The following ERC2 variants were observed in gnomAD, a reference collection of about 807,000 sequenced individuals.
The protein encoded by ERC2 is ELKS/RAB6-interacting/CAST family member 2.
ERC2 carries 42 observed loss-of-function variants against 114.8 expected under a neutral mutation model. The ratio of observed to expected loss-of-function variants is 0.37; its 90% CI spans 0.29 to 0.47. ERC2 has a LOEUF of 0.47. Among genes scored for constraint, ERC2 ranks in the 20% least tolerant of loss-of-function variants. The probability of loss-of-function intolerance (pLI) is 0.99; values close to 1 mark genes in which losing one functional copy is unlikely to be tolerated. For synonymous variants in ERC2, 454 were observed against 425.5 expected (o/e 1.07, Z -0.82); for missense variants, 939 against 1,150.7 (o/e 0.82, Z 2.66).
intron 2 of ERC2, among the ~76,000 whole-genome samples, chr3:56,388,806 T>C (rs2060026347): frequency 6.6e-6 from 1 of 152,194 alleles, no homozygotes; most frequent in Admixed American, 6.5e-5. Flanking sequence ...CCTCATTCAT[T>C]TTTGAACCCT....
chr3:56,250,858 T>G (rs1404433533), intron 3 of ERC2, among the ~76,000 whole-genome samples: 2 of 152,184 alleles, frequency 1.3e-5, no homozygotes, highest in African/African-American at 2.4e-5. Flanking sequence ...CTAAGGTGCT[T>G]TAACCTTATA....
Position 55,782,332 on chromosome 3 carries a change from T to C in ERC2, c.2565-47414A>G, listed in dbSNP as rs113346438. Among the ~76,000 whole-genome samples, 430 of 152,334 alleles carry C rather than the reference T, an allele frequency of 2.8e-3. 2 individuals carry two copies. Among genetic ancestry groups the C allele is most frequent in the African/African-American group, 9.9e-3 (410 of 41,574 alleles). ...CTGCTTATCCCAAGTCCCCATACCC[T>C]CACCTCTTCCCCCTGCATCCTTTTG... On this transcript the variant is annotated intron_variant, in intron 14 of 17. Coordinates refer to ENST00000288221, the MANE Select transcript of ERC2 (RefSeq NM_015576.3).
chr3:55,700,695 A>T (rs1030697815), intron 15 of ERC2, among the ~76,000 whole-genome samples: 1 of 151,988 alleles, frequency 6.6e-6, no homozygotes, highest in Non-Finnish European at 1.5e-5. Flanking sequence ...GCTAACTCAA[A>T]CTATTTAATC....
chr3:55,645,308 T>C (rs999592307), intron 17 of ERC2, among the ~76,000 whole-genome samples: 8 of 152,212 alleles, frequency 5.3e-5, no homozygotes, highest in Non-Finnish European at 1.2e-4. Context: ...TTTACTTTCA[T>C]CAGTACAGTT....
chr3:56,457,159 T>G (rs2063102981), intron 1 of ERC2, among the ~76,000 whole-genome samples: 2 of 152,226 alleles, frequency 1.3e-5, no homozygotes, highest in Admixed American at 1.3e-4. Context: ...TTCTGCCCAT[T>G]AAGTACAAAG....
chr3:55,661,851 A>C (rs918970015), intron 17 of ERC2, among the ~76,000 whole-genome samples: 1 of 151,474 alleles, frequency 6.6e-6, no homozygotes, highest in African/African-American at 2.4e-5. Flanking sequence ...AAGTGGGCCC[A>C]CCTCCTTTCC....
At chr3:56,116,712 C>T (rs1300389146) in intron 6 of ERC2, among the ~76,000 whole-genome samples, 1 of 152,054 alleles carries the variant, frequency 6.6e-6, no homozygotes, top group African/African-American at 2.4e-5. Context: ...CCATTTTTTT[C>T]CATCAGGATT....
chr3:56,293,933 C>G (rs901332915), intron 3 of ERC2, among the ~76,000 whole-genome samples: 4 of 152,242 alleles, frequency 2.6e-5, no homozygotes, highest in Admixed American at 6.5e-5. Context: ...TGACTCCACC[C>G]TGACCACAAG....
intron 17 of ERC2, among the ~76,000 whole-genome samples, chr3:55,595,374 T>C (rs1262503906): frequency 6.6e-6 from 1 of 152,254 alleles, no homozygotes; most frequent in Non-Finnish European, 1.5e-5. Flanking sequence ...AGGACTATTT[T>C]AGGTTGAAAT....
chr3:55,530,846 A>C (rs115871559), intron 17 of ERC2, among the ~76,000 whole-genome samples: 7 of 152,274 alleles, frequency 4.6e-5, no homozygotes, highest in African/African-American at 1.7e-4. Context: ...CAGCAGTCAG[A>C]GGTGGGGGTG....
intron 14 of ERC2, among the ~76,000 whole-genome samples, chr3:55,776,140 T>G (rs61072124): frequency 0.16 from 23,946 of 151,758 alleles, 2,055 homozygotes; most frequent in East Asian, 0.22. Flanking sequence ...TAGAATGTTA[T>G]TTGTTGTTGT....
intron 13 of ERC2, among the ~76,000 whole-genome samples, chr3:55,895,350 G>A (rs112203563): frequency 3.2e-4 from 48 of 152,264 alleles, no homozygotes; most frequent in African/African-American, 1.1e-3. Flanking sequence ...CCAAGTCTTG[G>A]AACCCTAGAC....
At chr3:56,291,088 G>A (rs1490697646) in intron 3 of ERC2, among the ~76,000 whole-genome samples, 1 of 152,220 alleles carries the variant, frequency 6.6e-6, no homozygotes, top group East Asian at 1.9e-4. Context: ...CAAGAAAATA[G>A]TAAGCAGGGT....
chr3:55,777,907 A>T (rs2068745191), intron 14 of ERC2, among the ~76,000 whole-genome samples: 1 of 152,056 alleles, frequency 6.6e-6, no homozygotes, highest in Non-Finnish European at 1.5e-5. Flanking sequence ...AGGCAATTCT[A>T]AAAAAAATTA....
intron 3 of ERC2, among the ~76,000 whole-genome samples, chr3:56,273,076 C>T (rs894042628): frequency 6.6e-6 from 1 of 152,160 alleles, no homozygotes; most frequent in Non-Finnish European, 1.5e-5. Flanking sequence ...TTATTATCTG[C>T]TGGACCTGTG....
chr3:55,669,093 A>G (rs891639058), intron 17 of ERC2, among the ~76,000 whole-genome samples: 1 of 152,208 alleles, frequency 6.6e-6, no homozygotes, highest in African/African-American at 2.4e-5. Context: ...GAACCCTCCA[A>G]AGAGGAGACA....
chr3:56,332,098 T>C (rs1417998307), intron 2 of ERC2, among the ~76,000 whole-genome samples: 2 of 152,020 alleles, frequency 1.3e-5, no homozygotes, highest in Admixed American at 6.6e-5. Flanking sequence ...ATACACACTC[T>C]GGGCCTAATT....
At chr3:56,319,582 T>A (rs886512521) in intron 2 of ERC2, among the ~76,000 whole-genome samples, 2 of 152,150 alleles carry the variant, frequency 1.3e-5, no homozygotes, top group Non-Finnish European at 2.9e-5. Context: ...CTAACCATAT[T>A]GTATTGTACA....
intron 1 of ERC2, among the ~76,000 whole-genome samples, chr3:56,447,569 C>T (rs982482906): frequency 4.0e-5 from 6 of 151,848 alleles, no homozygotes; most frequent in African/African-American, 9.7e-5. Context: ...TGTTTATTTG[C>T]AATATATTGT....
Sources: allele counts gnomAD v4.1 joint callset (sites outside exome capture counted in the v4.1 genomes callset), GRCh38; gene constraint gnomAD v4.1.1; transcripts MANE v1.5; gene names NCBI Gene and HGNC (gene_info 2026-07-23, HGNC 2026-07-21).